PCSK2: variants seen among roughly 807,000 people sequenced by gnomAD.
The protein encoded by PCSK2 is neuroendocrine convertase 2.
PCSK2 carries 14 observed loss-of-function variants against 69.7 expected under a neutral mutation model. The ratio of observed to expected loss-of-function variants is 0.20; its 90% CI spans 0.13 to 0.31. PCSK2 has a LOEUF of 0.31. Among genes scored for constraint, PCSK2 ranks in the 10% least tolerant of loss-of-function variants. PCSK2 has a pLI of 1.00. For missense variants in PCSK2, 544 were observed against 842.5 expected (o/e 0.65, Z 4.39); for synonymous variants, 307 against 320.7 (o/e 0.96, Z 0.46).
intron 2 of PCSK2, among the ~76,000 whole-genome samples, chr20:17,330,164 A>T (rs2123149703): frequency 6.6e-6 from 1 of 152,340 alleles, no homozygotes; most frequent in East Asian, 1.9e-4. Context: ...TGTGTTTCAC[A>T]CTTAGAGCAC....
intron 8 of PCSK2, among the ~76,000 whole-genome samples, chr20:17,449,984 CTTT>C (rs60552663): frequency 1.1e-5 from 1 of 90,642 alleles, no homozygotes; most frequent in Non-Finnish European, 2.4e-5. Context: ...ACTTCCTTAG[CTTT>C]TTTTTTTTTA....
At chr20:17,367,709 G>T (rs1195741625) in intron 4 of PCSK2, among the ~76,000 whole-genome samples, 1 of 152,104 alleles carries the variant, frequency 6.6e-6, no homozygotes, top group African/African-American at 2.4e-5. Flanking sequence ...TGTTGCCCAG[G>T]CTGGTCTTGA....
At chr20:17,324,057 C>G (rs969685403) in intron 2 of PCSK2, among the ~76,000 whole-genome samples, 1 of 152,204 alleles carries the variant, frequency 6.6e-6, no homozygotes, top group African/African-American at 2.4e-5. Context: ...TGGGATGACT[C>G]TGAGACATGT....
At chr20:17,426,816 G>A (rs1053095259) in intron 6 of PCSK2, among the ~76,000 whole-genome samples, 10 of 152,214 alleles carry the variant, frequency 6.6e-5, no homozygotes, top group African/African-American at 2.4e-4. Flanking sequence ...CGCACATTAT[G>A]GAGGACAAGC....
chr20:17,448,196 C>T (rs748235998), intron 8 of PCSK2, among the ~76,000 whole-genome samples: 3 of 152,182 alleles, frequency 2.0e-5, no homozygotes, highest in Non-Finnish European at 2.9e-5. Context: ...CACCAGGGGT[C>T]TGCACCCTGC....
chr20:17,303,583 T>C (rs937106960), intron 2 of PCSK2, among the ~76,000 whole-genome samples: 7 of 117,390 alleles, frequency 6.0e-5, no homozygotes, highest in African/African-American at 2.4e-4. Context: ...TAAAAATATA[T>C]ACTTTTTTTT....
intron 2 of PCSK2, among the ~76,000 whole-genome samples, chr20:17,320,727 A>T (rs1989839078): frequency 6.6e-6 from 1 of 152,222 alleles, no homozygotes; most frequent in Non-Finnish European, 1.5e-5. Context: ...TCTCCAGCAC[A>T]TCACTCTTCC....
At chr20:17,349,163 G>A (rs1441491200) in intron 2 of PCSK2, among the ~76,000 whole-genome samples, 1 of 152,088 alleles carries the variant, frequency 6.6e-6, no homozygotes. Context: ...TCTTAAATGG[G>A]CTCCACAGCT....
intron 2 of PCSK2, among the ~76,000 whole-genome samples, chr20:17,325,731 T>A (rs2123140975): frequency 6.6e-6 from 1 of 152,376 alleles, no homozygotes; most frequent in African/African-American, 2.4e-5. Flanking sequence ...CTTTCTTAAC[T>A]ACTAATGGGC....
intron 2 of PCSK2, among the ~76,000 whole-genome samples, chr20:17,328,919 A>G (rs1568605424): frequency 6.6e-6 from 1 of 152,202 alleles, no homozygotes; most frequent in East Asian, 1.9e-4. Flanking sequence ...GAACACAGCA[A>G]ACAGCAGAGC....
intron 7 of PCSK2, among the ~76,000 whole-genome samples, chr20:17,432,227 T>C (rs1406885953): frequency 1.3e-5 from 2 of 152,220 alleles, no homozygotes; most frequent in Non-Finnish European, 2.9e-5. Context: ...AAGGCTCCTG[T>C]CTTTTTCTTG....
intron 2 of PCSK2, among the ~76,000 whole-genome samples, chr20:17,356,445 T>G (rs2030199781): frequency 6.6e-6 from 1 of 152,186 alleles, no homozygotes; most frequent in African/African-American, 2.4e-5. Flanking sequence ...GGCCTTCTCA[T>G]GTCAGTGTGC....
At chr20:17,294,303 T>C (rs1181459703) in intron 2 of PCSK2, among the ~76,000 whole-genome samples, 8 of 151,672 alleles carry the variant, frequency 5.3e-5, no homozygotes, top group Non-Finnish European at 8.8e-5. Context: ...AGACGGGGTT[T>C]CACCGTGTTA....
chr20:17,396,785 A>T (rs573449580), intron 5 of PCSK2, among the ~76,000 whole-genome samples: 1 of 151,990 alleles, frequency 6.6e-6, no homozygotes, highest in Non-Finnish European at 1.5e-5. Context: ...CCTGGTTAAT[A>T]TTTTTTATAC....
intron 2 of PCSK2, among the ~76,000 whole-genome samples, chr20:17,349,313 A>G (rs1301179988): frequency 1.3e-5 from 2 of 152,224 alleles, no homozygotes; most frequent in Non-Finnish European, 2.9e-5. Flanking sequence ...CTGTGTGCCT[A>G]CAAAGAAGTC....
At chr20:17,341,101 A>G (rs1435429814) in intron 2 of PCSK2, among the ~76,000 whole-genome samples, 2 of 152,166 alleles carry the variant, frequency 1.3e-5, no homozygotes, top group Non-Finnish European at 1.5e-5. Context: ...TGAGCTGGGC[A>G]TGGTGGTGCA....
chr20:17,377,312 A>G (rs772225529), intron 5 of PCSK2, among the ~76,000 whole-genome samples: 12 of 152,228 alleles, frequency 7.9e-5, no homozygotes, highest in Non-Finnish European at 7.3e-5. Context: ...CCACCCCTAC[A>G]TTCCTGCACT....
chr20:17,470,838 A>G (rs2033186631), intron 11 of PCSK2, among the ~76,000 whole-genome samples: 1 of 152,066 alleles, frequency 6.6e-6, no homozygotes, highest in South Asian at 2.1e-4. Flanking sequence ...CTTTACAGAC[A>G]CTCTGCAAGC....
intron 2 of PCSK2, among the ~76,000 whole-genome samples, chr20:17,353,465 CA>C (rs34448859): frequency 8.3e-5 from 12 of 145,244 alleles, no homozygotes; most frequent in African/African-American, 1.0e-4. Context: ...CTCCATCACA[CA>C]AAAAAAAAAA....
Sources: allele counts gnomAD v4.1 joint callset (sites outside exome capture counted in the v4.1 genomes callset), GRCh38; gene constraint gnomAD v4.1.1; transcripts MANE v1.5; gene names NCBI Gene and HGNC (gene_info 2026-07-23, HGNC 2026-07-21).